Variants in PLXDC2 observed in about 807,000 individuals in gnomAD.
The protein encoded by PLXDC2 is plexin domain-containing protein 2.
Under a neutral mutation model 68.9 loss-of-function variants are expected in PLXDC2, and 40 were observed. The ratio of observed to expected loss-of-function variants is 0.58; its 90% CI spans 0.45 to 0.76. The LOEUF (loss-of-function observed/expected upper bound fraction) is 0.76. PLXDC2 is among the 30% of genes least tolerant of loss of function. The pLI, the probability that PLXDC2 is intolerant of heterozygous loss-of-function variation, is 0.00. For synonymous variants in PLXDC2, 243 were observed against 234.2 expected (o/e 1.04, Z -0.34); for missense variants, 644 against 661.9 (o/e 0.97, Z 0.30).
At chr10:19,947,987 A>C (rs1833930962) in intron 1 of PLXDC2, among the ~76,000 whole-genome samples, 1 of 152,116 alleles carries the variant, frequency 6.6e-6, no homozygotes, top group Admixed American at 6.5e-5. Context: ...TATGTTTGAG[A>C]CTGTGTTACT....
At chr10:19,890,079 G>A (rs767146561) in intron 1 of PLXDC2, among the ~76,000 whole-genome samples, 28 of 152,138 alleles carry the variant, frequency 1.8e-4, no homozygotes, top group Non-Finnish European at 3.2e-4. Flanking sequence ...ATTAATGCCC[G>A]CTCTGTGACA....
chr10:20,279,816 C>T lies in PLXDC2; in HGVS notation c.1587C>T (p.Cys529=), dbSNP rs984079357. The change falls in exon 14 of 14, where the codon TGC becomes TGT. Residue 529 remains cysteine, a synonymous_variant. Coordinates refer to ENST00000377252, the MANE Select transcript of PLXDC2 (RefSeq NM_032812.9). ...AAGGCTTTATTGTATCAGAGCAGTG[C>T]TAAAATTTCTAGGACAGAACAACAC... ...EKEGFIVSEQ[C] 1 of 1,613,322 alleles carries T rather than the reference C, an allele frequency of 6.2e-7. No homozygotes were observed. The highest frequency in any genetic ancestry group is 8.5e-7 in the Non-Finnish European group (1 of 1,179,394).
At chr10:20,031,227 G>A (rs1835496458) in intron 2 of PLXDC2, among the ~76,000 whole-genome samples, 2 of 151,958 alleles carry the variant, frequency 1.3e-5, no homozygotes, top group South Asian at 2.1e-4. Flanking sequence ...AAAGATAGCC[G>A]ACCATGGTGT....
intron 1 of PLXDC2, among the ~76,000 whole-genome samples, chr10:19,991,444 G>T (rs576242052): frequency 6.7e-6 from 1 of 149,460 alleles, no homozygotes; most frequent in South Asian, 2.1e-4. Flanking sequence ...TTTACCTAGA[G>T]AAACATGTTT....
At chr10:20,277,653 T>C (rs572521588) in intron 13 of PLXDC2, among the ~76,000 whole-genome samples, 4 of 152,328 alleles carry the variant, frequency 2.6e-5, no homozygotes, top group African/African-American at 9.6e-5. Context: ...TGTTACTCTT[T>C]GCTTGGCGTT....
At chr10:20,009,991 G>A (rs1357904090) in intron 2 of PLXDC2, among the ~76,000 whole-genome samples, 1 of 152,066 alleles carries the variant, frequency 6.6e-6, no homozygotes, top group Non-Finnish European at 1.5e-5. Context: ...ATAGTGGTTA[G>A]GGGAAAGGCT....
chr10:19,897,730 G>A (rs1367841000), intron 1 of PLXDC2, among the ~76,000 whole-genome samples: 1 of 152,140 alleles, frequency 6.6e-6, no homozygotes, highest in African/African-American at 2.4e-5. Context: ...CTGACACCAT[G>A]AGAAATTAAA....
chr10:19,927,713 CAAAA>C (rs35250324), intron 1 of PLXDC2, among the ~76,000 whole-genome samples: 7 of 53,138 alleles, frequency 1.3e-4, no homozygotes, highest in Admixed American at 1.0e-3. Context: ...GGAAAAAAAG[CAAAA>C]AAAAAAAAAA....
At position 20,147,850 on chromosome 10, in the gene PLXDC2, C is replaced by T. The variant is rs1367042190; in HGVS notation, c.731C>T (p.Thr244Ile). Residue 244 changes from threonine (T) to isoleucine (I), a missense_variant, in exon 6 of 14, where the codon ACA (threonine) becomes ATA (isoleucine). Physicochemically the swap from Thr to Ile is moderately conservative, Grantham distance 89 (BLOSUM62 -1). This residue lies in a region of PLXDC2 where 113 missense variants were observed against 167.1 expected (regional missense o/e 0.68). Transcript: ENST00000377252. ...LQDNYNLGSF[T>I]FQATLLMDGR... is the part of the protein sequence containing the mutation. ...GATAATTATAACCTGGGAAGCTTCA[C>T]ATTCCAGGCAACCCTGCTCATGGAT... 1 of 1,613,414 alleles carries T rather than the reference C, an allele frequency of 6.2e-7. No individual in the cohort carries two copies. Among genetic ancestry groups the T allele is most frequent in the East Asian group, 2.2e-5 (1 of 44,840 alleles).
chr10:20,039,023 G>A (rs1229857295), intron 2 of PLXDC2, among the ~76,000 whole-genome samples: 1 of 152,152 alleles, frequency 6.6e-6, no homozygotes, highest in African/African-American at 2.4e-5. Flanking sequence ...ACACTGAAAT[G>A]AACTGATTGG....
At chr10:19,999,648 C>T (rs1190177491) in intron 1 of PLXDC2, among the ~76,000 whole-genome samples, 7 of 152,056 alleles carry the variant, frequency 4.6e-5, no homozygotes. Context: ...GCTACTATAG[C>T]AAGTGCAAGG....
rs1252447303 is a variant in PLXDC2, at chr10:20,082,064, C to CAAAAAAAAAAAAAAAAAAAA, written c.541+13837_541+13838insAAAAAAAAAAAAAAAAAAAA. Among the ~76,000 whole-genome samples the CAAAAAAAAAAAAAAAAAAAA allele has an allele frequency of 1.3e-4, 9 of 70,144 alleles. 2 individuals are homozygous for CAAAAAAAAAAAAAAAAAAAA. The highest frequency in any genetic ancestry group is 9.1e-3 in the Middle Eastern group (1 of 110). 46.0% of individuals were successfully genotyped at this position (70,144 alleles called of 152,430 possible). On this transcript the variant is annotated intron_variant, in intron 4 of 13. Transcript: ENST00000377252. ...CCATCTGAAAAAAAAAAAAAAAAAT[C>CAAAAAAAAAAAAAAAAAAAA]AAAAAAAAAAAACAGGAGAAGTCTG...
At chr10:19,832,379 A>C (rs762489488) in intron 1 of PLXDC2, among the ~76,000 whole-genome samples, 2 of 152,220 alleles carry the variant, frequency 1.3e-5, no homozygotes, top group Non-Finnish European at 2.9e-5. Context: ...GGAGGAATGC[A>C]TGAATGCACT....
At chr10:19,971,400 A>G (rs999757460) in intron 1 of PLXDC2, among the ~76,000 whole-genome samples, 5 of 152,162 alleles carry the variant, frequency 3.3e-5, no homozygotes, top group Admixed American at 2.0e-4. Flanking sequence ...GGGTAAGCAA[A>G]AAATTACTAC....
intron 2 of PLXDC2, among the ~76,000 whole-genome samples, chr10:20,023,370 G>C (rs950914728): frequency 2.0e-5 from 3 of 152,026 alleles, no homozygotes; most frequent in Non-Finnish European, 4.4e-5. Context: ...ATGTGCTACA[G>C]TTTGAATGTG....
chr10:20,231,397 C>T (rs1027024337), intron 12 of PLXDC2, among the ~76,000 whole-genome samples: 58 of 150,876 alleles, frequency 3.8e-4, no homozygotes, highest in African/African-American at 1.3e-3. Context: ...TAGAATGCTG[C>T]TAAAAAGTAT....
At chr10:20,141,498 A>G (rs1197080344) in intron 4 of PLXDC2, among the ~76,000 whole-genome samples, 1 of 152,080 alleles carries the variant, frequency 6.6e-6, no homozygotes, top group Non-Finnish European at 1.5e-5. Flanking sequence ...CTTGGAGAAT[A>G]TAAAGAAGAA....
chr10:20,092,635 G>A (rs540275408), intron 4 of PLXDC2, among the ~76,000 whole-genome samples: 2 of 152,160 alleles, frequency 1.3e-5, no homozygotes, highest in African/African-American at 4.8e-5. Context: ...GCCACACAAA[G>A]ATATTGGGTC....
At chr10:20,095,501 G>A (rs2131734210) in intron 4 of PLXDC2, among the ~76,000 whole-genome samples, 1 of 152,272 alleles carries the variant, frequency 6.6e-6, no homozygotes. Context: ...GCCTGACAGG[G>A]GAGAGAAGGG....
Sources: allele counts gnomAD v4.1 joint callset (sites outside exome capture counted in the v4.1 genomes callset), GRCh38; gene constraint gnomAD v4.1.1; regional missense constraint gnomAD v4.1.1; transcripts MANE v1.5; gene names NCBI Gene and HGNC (gene_info 2026-07-23, HGNC 2026-07-21).